The following PRKCZ variants were observed in gnomAD, a reference collection of about 807,000 sequenced individuals.
PRKCZ encodes protein kinase C zeta, also known as protein kinase C zeta type.
PRKCZ carries 33 observed loss-of-function variants against 79.5 expected under a neutral mutation model. The ratio of observed to expected loss-of-function variants is 0.41; its 90% CI spans 0.31 to 0.55. The LOEUF is 0.55. Among genes scored for constraint, PRKCZ ranks in the 20% least tolerant of loss-of-function variants. PRKCZ has a pLI of 0.19. For synonymous variants in PRKCZ, 342 were observed against 320.9 expected (o/e 1.07, Z -0.70); for missense variants, 578 against 813.5 (o/e 0.71, Z 3.52).
At position 2,173,568 on chromosome 1, in the gene PRKCZ, T is replaced by C. The variant is rs1392197201; in HGVS notation, c.1286-329T>C. On this transcript the variant is annotated intron_variant, in intron 13 of 17. Transcript: ENST00000378567. The surrounding 1 kb of genome is among the most constrained non-coding windows in gnomAD (Gnocchi z 5.7). Reference sequence around the variant, plus strand: ...GCGAAAGGGCTTCTTCAAGCTTAGTTCTGTAGAAGCAGAAACGAGAGAGGA... The same window carrying C: ...GCGAAAGGGCTTCTTCAAGCTTAGTCCTGTAGAAGCAGAAACGAGAGAGGA... Among the ~76,000 whole-genome samples, 1 of 152,198 alleles carries C rather than the reference T, an allele frequency of 6.6e-6. No homozygotes were observed. The highest frequency in any genetic ancestry group is 1.5e-5 in the Non-Finnish European group (1 of 68,036).
At chr1:2,062,942 C>A (rs950060911) in intron 4 of PRKCZ, among the ~76,000 whole-genome samples, 5 of 152,180 alleles carry the variant, frequency 3.3e-5, no homozygotes, top group African/African-American at 9.7e-5. Context: ...TTCTGCCTCC[C>A]CCAGCCCCCA....
chr1:2,070,629 G>A (rs768080104), intron 4 of PRKCZ, among the ~76,000 whole-genome samples: 3 of 152,072 alleles, frequency 2.0e-5, no homozygotes, highest in African/African-American at 4.8e-5. Context: ...GGGCTCTCCC[G>A]GGCCGGTGGT....
intron 11 of PRKCZ, among the ~76,000 whole-genome samples, chr1:2,171,251 G>A (rs1396239399): frequency 6.7e-6 from 1 of 150,100 alleles, no homozygotes; most frequent in African/African-American, 2.5e-5. Flanking sequence ...GCTGAGGCAG[G>A]AGAATGGCGT....
chr1:2,099,668 G>A lies in PRKCZ; in HGVS notation c.335-35594G>A, dbSNP rs1338797448. Among the ~76,000 whole-genome samples, 3 of 152,160 alleles carry A rather than the reference G, an allele frequency of 2.0e-5. No individual in the cohort carries two copies. The East Asian group carries it at 5.8e-4, about 29-fold the overall frequency. ...GGTGGTGCCCAGGCATTGACAGAGG[G>A]GAGCTCACTGGACGGGGCAGCGTGG... On this transcript the variant is annotated intron_variant, in intron 4 of 17. Transcript: ENST00000378567.
intron 1 of PRKCZ, among the ~76,000 whole-genome samples, chr1:2,051,600 G>A (rs1400204020): frequency 6.6e-6 from 1 of 152,196 alleles, no homozygotes; most frequent in African/African-American, 2.4e-5. Flanking sequence ...ATCTCGAAAA[G>A]CTGCTCCTGC....
chr1:2,077,148 A>G (rs888116528), intron 4 of PRKCZ, among the ~76,000 whole-genome samples: 3 of 152,154 alleles, frequency 2.0e-5, no homozygotes, highest in African/African-American at 7.2e-5. Flanking sequence ...GACGGGTGTG[A>G]GGGTGCTGGG....
chr1:2,056,729 C>CTT (rs1213314980), intron 3 of PRKCZ, among the ~76,000 whole-genome samples, 156 bp downstream of exon 3: 2,768 of 136,752 alleles, frequency 0.02, 113 homozygotes, highest in African/African-American at 0.072. Context: ...TTTTCTTTGA[C>CTT]TTTTTTTTTT....
chr1:2,097,758 T>TAAA (rs1666770689), intron 4 of PRKCZ, among the ~76,000 whole-genome samples: 4 of 152,256 alleles, frequency 2.6e-5, no homozygotes, highest in African/African-American at 4.8e-5. Flanking sequence ...TAGAAATAAA[T>TAAA]TTTGGGTGCT....
intron 4 of PRKCZ, among the ~76,000 whole-genome samples, chr1:2,134,364 G>T (rs1571708301): frequency 6.6e-6 from 1 of 152,176 alleles, no homozygotes; most frequent in South Asian, 2.1e-4. Context: ...ACTTTCATTT[G>T]GTTCATGAAA....
At chr1:2,108,602 C>T (rs1481672362) in intron 4 of PRKCZ, among the ~76,000 whole-genome samples, 4 of 152,232 alleles carry the variant, frequency 2.6e-5, no homozygotes, top group Non-Finnish European at 5.9e-5. Flanking sequence ...CTGACGGCAG[C>T]CCCTCTCTCT....
At chr1:2,103,603 T>G (rs987914384) in intron 4 of PRKCZ, among the ~76,000 whole-genome samples, 2 of 152,040 alleles carry the variant, frequency 1.3e-5, no homozygotes, top group African/African-American at 4.8e-5. Context: ...AGCGTGAGGC[T>G]GGGCACGGTG....
At chr1:2,114,772 CA>C (rs1178702907) in intron 4 of PRKCZ, among the ~76,000 whole-genome samples, 6 of 145,000 alleles carry the variant, frequency 4.1e-5, no homozygotes, top group African/African-American at 5.1e-5. Context: ...GACTCCGTCT[CA>C]AAAAAAAAAG....
At position 2,172,274 on chromosome 1, in the gene PRKCZ, C is replaced by T. The variant is rs760251204; in HGVS notation, c.1198-27C>T. 3.1e-6 allele frequency: 5 copies of T among 1,613,418 alleles called. No homozygotes were observed. The Admixed American group carries it at 6.7e-5, about 22-fold the overall frequency. ...CCCGCGGGGTAGTGTCTACAAGAAC[C>T]CTCTCCCAGTAACTTTGCCCCCACA... On this transcript the variant is annotated intron_variant, in intron 12 of 17. Transcript: ENST00000378567. The surrounding 1 kb of genome is among the most constrained non-coding windows in gnomAD (Gnocchi z 7.8).
chr1:2,108,338 G>A (rs1012097151), intron 4 of PRKCZ, among the ~76,000 whole-genome samples: 2 of 152,220 alleles, frequency 1.3e-5, no homozygotes, highest in Non-Finnish European at 2.9e-5. Flanking sequence ...GCTGATGGGC[G>A]TGGCCCCTTG....
At chr1:2,164,180 GAC>G (rs1204349501) in intron 10 of PRKCZ, among the ~76,000 whole-genome samples, 1 of 152,124 alleles carries the variant, frequency 6.6e-6, no homozygotes, top group Admixed American at 6.5e-5. Flanking sequence ...GAATCTTCAG[GAC>G]ACAGAGCTAC....
rs553094361 is a variant in PRKCZ, at chr1:2,128,793, C to G, written c.335-6469C>G. Reference sequence around the variant, plus strand: ...AGACCCCAGGCTGTGTCCACACGTACCCCCGGAAGGACCTCCTGCTAACCT... The same window carrying G: ...AGACCCCAGGCTGTGTCCACACGTAGCCCCGGAAGGACCTCCTGCTAACCT... On this transcript the variant is annotated intron_variant, in intron 4 of 17. Coordinates refer to ENST00000378567, the MANE Select transcript of PRKCZ (RefSeq NM_002744.6). The surrounding 1 kb of genome is among the most constrained non-coding windows in gnomAD (Gnocchi z 6.5). 6.6e-6 allele frequency among the ~76,000 whole-genome samples: 1 copy of G among 152,148 alleles called. No individual in the cohort carries two copies. Among genetic ancestry groups the G allele is most frequent in the Non-Finnish European group, 1.5e-5 (1 of 68,028 alleles).
rs111484361 is a variant in PRKCZ, at chr1:2,085,770, G to A, written c.334+26179G>A. 2.1e-3 allele frequency among the ~76,000 whole-genome samples: 323 copies of A among 150,658 alleles called. 1 individual carries two copies. Among genetic ancestry groups the A allele is most frequent in the Non-Finnish European group, 3.5e-3 (238 of 67,404 alleles). ...GGGGCTGAGGACGTCGGGGGGCCCT[G>A]TTCTCAGAGCCCGTGAGGCACCGTG... On this transcript the variant is annotated intron_variant, in intron 4 of 17. Transcript: ENST00000378567.
chr1:2,162,318 G>C (rs1682482186), intron 10 of PRKCZ, among the ~76,000 whole-genome samples: 1 of 152,190 alleles, frequency 6.6e-6, no homozygotes, highest in Non-Finnish European at 1.5e-5. Flanking sequence ...TTTTAGTAGA[G>C]ACGGGGTTTC....
intron 3 of PRKCZ, among the ~76,000 whole-genome samples, chr1:2,059,283 T>G (rs997993309): frequency 2.0e-5 from 3 of 152,274 alleles, no homozygotes; most frequent in Non-Finnish European, 4.4e-5. Flanking sequence ...AATCAGTAGC[T>G]TCCTCTGATG....
Sources: gnomAD v4.1 joint callset for allele counts (sites outside exome capture counted in the v4.1 genomes callset) on GRCh38, gnomAD v4.1.1 for gene constraint, Gnocchi (gnomAD v3.1) non-coding constraint, MANE v1.5 for transcripts, NCBI Gene and HGNC (gene_info 2026-07-23, HGNC 2026-07-21) for gene names.